The following SYTL2 variants were observed in gnomAD, a reference collection of about 807,000 sequenced individuals.
SYTL2 encodes synaptotagmin like 2, also known as synaptotagmin-like protein 2.
In SYTL2, 165 loss-of-function variants were observed where a neutral mutation model predicts 198.7. The observed-to-expected ratio is 0.83, with a 90% confidence interval of 0.73 to 0.94. The LOEUF (loss-of-function observed/expected upper bound fraction) is 0.94. Among genes scored for constraint, SYTL2 ranks in the 40% least tolerant of loss-of-function variants. The pLI is 0.00. For synonymous variants in SYTL2, 966 were observed against 917.7 expected (o/e 1.05, Z -0.95); for missense variants, 2,835 against 2,582.8 (o/e 1.10, Z -2.12).
intron 1 of SYTL2, among the ~76,000 whole-genome samples, chr11:85,794,635 A>G (rs1222068495): frequency 6.6e-6 from 1 of 152,162 alleles, no homozygotes; most frequent in African/African-American, 2.4e-5. Flanking sequence ...GGAAACTTGC[A>G]TTTATCAAGA....
chr11:85,699,947 T>G (rs2084004812), intron 17 of SYTL2, among the ~76,000 whole-genome samples: 1 of 152,166 alleles, frequency 6.6e-6, no homozygotes, highest in South Asian at 2.1e-4. Flanking sequence ...AATTCCCACC[T>G]GTGAAAAAGA....
chr11:85,722,011 G>C (rs1169952421), intron 8 of SYTL2, among the ~76,000 whole-genome samples: 11 of 151,782 alleles, frequency 7.2e-5, no homozygotes, highest in Non-Finnish European at 1.2e-4. Flanking sequence ...CTTATAGTAG[G>C]TTTCTCTTCA....
chr11:85,762,875 G>C (rs899489812), intron 1 of SYTL2, among the ~76,000 whole-genome samples: 1 of 152,060 alleles, frequency 6.6e-6, no homozygotes, highest in Non-Finnish European at 1.5e-5. Flanking sequence ...TTATGAACAA[G>C]GCTTGTGTCT....
the SYTL2 span, among the ~76,000 whole-genome samples, chr11:85,833,162 A>G: frequency 0.034 from 2,444 of 71,790 alleles, 245 homozygotes; most frequent in Admixed American, 0.036. Flanking sequence ...AAGGAAAGAA[A>G]GAAAGAAAGA....
intron 2 of SYTL2, among the ~76,000 whole-genome samples, chr11:85,748,911 TA>T (rs2091337370): frequency 6.6e-6 from 1 of 152,220 alleles, no homozygotes; most frequent in Non-Finnish European, 1.5e-5. Context: ...GGGTAGTCAT[TA>T]GCTCATCAGT....
rs1565918983 is a variant in SYTL2 at position 85,724,224 on chromosome 11, C to T, written c.5134G>A (p.Val1712Met). The T allele has an allele frequency of 1.3e-6, 2 of 1,578,902 alleles. No individual in the cohort carries two copies. Among genetic ancestry groups the T allele is most frequent in the South Asian group, 1.2e-5 (1 of 83,758 alleles). ...GFGEASEAIS[V>M]SRNRQPIPLL... ...GGAATGGGTTGCCTATTTCTGGACACACTAATTGCTTCAGAAGCCTCTCCA... is the reference window on the plus strand; with the variant it reads ...GGAATGGGTTGCCTATTTCTGGACATACTAATTGCTTCAGAAGCCTCTCCA... The change falls in exon 8 of 20, where the codon GTG (valine) becomes ATG (methionine). Residue 1712 changes from valine to methionine, a missense_variant. Val to Met is a conservative substitution (Grantham distance 21). This residue lies in a region of SYTL2 where 2,645 missense variants were observed against 2,381.7 expected (regional missense o/e 1.11). Coordinates refer to ENST00000359152, the MANE Select transcript of SYTL2 (RefSeq NM_206927.4).
intron 1 of SYTL2, among the ~76,000 whole-genome samples, chr11:85,771,389 C>T (rs1284424550): frequency 6.6e-6 from 1 of 152,160 alleles, no homozygotes; most frequent in South Asian, 2.1e-4. Context: ...TTCATCCCAA[C>T]CAACAGTAAT....
At chr11:85,818,022 C>A in the SYTL2 span, among the ~76,000 whole-genome samples, 2 of 151,016 alleles carry the variant, frequency 1.3e-5, no homozygotes, top group Non-Finnish European at 2.9e-5. Flanking sequence ...CTTGGCTCAG[C>A]CTCCCAAGTA....
the SYTL2 span, among the ~76,000 whole-genome samples, chr11:85,829,049 G>GTTT: frequency 6.8e-6 from 1 of 146,400 alleles, no homozygotes; most frequent in South Asian, 2.2e-4. Flanking sequence ...AAAGAGCTCT[G>GTTT]TTTTTTTTTT....
upstream of SYTL2, among the ~76,000 whole-genome samples, chr11:85,812,202 T>G (rs2093043759): frequency 6.6e-6 from 1 of 152,250 alleles, no homozygotes; most frequent in East Asian, 1.9e-4. Context: ...CTGAAGGAGA[T>G]GAACCTTAAA....
At chr11:85,783,814 G>C (rs948109674) in intron 1 of SYTL2, among the ~76,000 whole-genome samples, 15 of 152,190 alleles carry the variant, frequency 9.9e-5, no homozygotes, top group African/African-American at 3.1e-4. Flanking sequence ...TTCTTGGACA[G>C]AAGTGTCACA....
chr11:85,757,735 T>A lies in SYTL2; in HGVS notation c.-10A>T. On this transcript the variant is annotated 5_prime_UTR_variant, in exon 2 of 20. Coordinates refer to ENST00000359152, the MANE Select transcript of SYTL2 (RefSeq NM_206927.4). ...AGCTTAAGTCAATCATTTTGAAAAG[T>A]GCATGCAAAAATAATAGCAACAAAT... 6.2e-7 allele frequency: 1 copy of A among 1,610,870 alleles called. No individual in the cohort carries two copies. Among genetic ancestry groups the A allele is most frequent in the Non-Finnish European group, 8.5e-7 (1 of 1,179,850 alleles).
chr11:85,782,626 T>A (rs1008237898), intron 1 of SYTL2, among the ~76,000 whole-genome samples: 2 of 152,200 alleles, frequency 1.3e-5, no homozygotes, highest in African/African-American at 2.4e-5. Context: ...CCAAACCATA[T>A]CTTTGTGAAT....
At chr11:85,809,535 C>T (rs76227643) in intron 1 of SYTL2, among the ~76,000 whole-genome samples, 2,357 of 152,292 alleles carry the variant, frequency 0.015, 78 homozygotes, top group African/African-American at 0.054. Flanking sequence ...AGCACAAAGA[C>T]AGTGTAAAGA....
At chr11:85,838,863 A>C in the SYTL2 span, among the ~76,000 whole-genome samples, 1 of 152,224 alleles carries the variant, frequency 6.6e-6, no homozygotes, top group Admixed American at 6.5e-5. Flanking sequence ...TCATGAAACC[A>C]ACAGCACAAT....
chr11:85,845,696 C>G, the SYTL2 span, among the ~76,000 whole-genome samples: 2 of 152,168 alleles, frequency 1.3e-5, no homozygotes, highest in Non-Finnish European at 2.9e-5. Context: ...ATCACGAGGT[C>G]AGGAGATCGA....
At chr11:85,851,212 T>C in the SYTL2 span, among the ~76,000 whole-genome samples, 2 of 152,254 alleles carry the variant, frequency 1.3e-5, no homozygotes, top group Non-Finnish European at 2.9e-5. Context: ...CATGATTATT[T>C]ATTTTTGCAA....
chr11:85,725,438 T>A lies in SYTL2; in HGVS notation c.3920A>T (p.His1307Leu). Residue 1307 changes from histidine (H) to leucine (L), a missense_variant, in exon 8 of 20, where the codon CAT (histidine) becomes CTT (leucine). His to Leu is a moderately conservative substitution (Grantham distance 99, BLOSUM62 -3). Coordinates refer to ENST00000359152, the MANE Select transcript of SYTL2 (RefSeq NM_206927.4). ...NLIQMAAEDS[H>L]PLDPTSQLSR... ...AAGCTGGGAAGTTGGATCCAATGGA[T>A]GAGAATCTTCTGCAGCCATCTGAAT... 1 of 1,614,036 alleles carries A rather than the reference T, an allele frequency of 6.2e-7. No homozygotes were observed. The highest frequency in any genetic ancestry group is 8.5e-7 in the Non-Finnish European group (1 of 1,179,932).
At chr11:85,792,113 G>A (rs998517377) in intron 1 of SYTL2, among the ~76,000 whole-genome samples, 16 of 152,054 alleles carry the variant, frequency 1.1e-4, no homozygotes, top group Admixed American at 8.5e-4. Flanking sequence ...GTTAGATGAG[G>A]GGTATAGTCT....
Sources: allele counts gnomAD v4.1 joint callset (sites outside exome capture counted in the v4.1 genomes callset), GRCh38; gene constraint gnomAD v4.1.1; regional missense constraint gnomAD v4.1.1; transcripts MANE v1.5; gene names NCBI Gene and HGNC (gene_info 2026-07-23, HGNC 2026-07-21).